PTCD2: variants seen among roughly 807,000 people sequenced by gnomAD.
PTCD2 encodes the protein pentatricopeptide repeat domain 2.
A neutral mutation model predicts 42.6 loss-of-function variants in PTCD2; 31 were observed. The observed-to-expected ratio is 0.73, with a 90% CI of 0.55 to 0.98. The LOEUF is 0.98. Among genes scored for constraint, PTCD2 ranks in the 50% least tolerant of loss-of-function variants. PTCD2 has a pLI of 0.00. For missense variants in PTCD2, 476 were observed against 454.8 expected (o/e 1.05, Z -0.42); for synonymous variants, 183 against 170.9 (o/e 1.07, Z -0.55).
chr5:72,352,687 C>A lies in PTCD2; in HGVS notation c.875C>A (p.Thr292Asn). 1 of 1,603,260 alleles carries A rather than the reference C, an allele frequency of 6.2e-7. No individual in the cohort carries two copies. The highest frequency in any genetic ancestry group is 1.1e-5 in the South Asian group (1 of 90,674). Residue 292 changes from threonine (T) to asparagine (N), a missense_variant, in exon 9 of 10, where the codon ACT becomes AAT. Physicochemically the swap from Thr to Asn is moderately conservative, Grantham distance 65. Coordinates refer to ENST00000380639, the MANE Select transcript of PTCD2 (RefSeq NM_024754.5). ...AATATGTTGGAAAACCTGATAAAGACTCTAAAAAATGCTGCAGAAGGAAAT... is the reference window on the plus strand; with the variant it reads ...AATATGTTGGAAAACCTGATAAAGAATCTAAAAAATGCTGCAGAAGGAAAT... Reference protein sequence around the residue: ...QSNMLENLIKTLKNAAEGNLS... With the variant: ...QSNMLENLIKNLKNAAEGNLS...
At chr5:72,346,718 G>A (rs530887705) in intron 8 of PTCD2, among the ~76,000 whole-genome samples, 3 of 152,218 alleles carry the variant, frequency 2.0e-5, no homozygotes, top group Non-Finnish European at 4.4e-5. Context: ...GATATGGACA[G>A]CTCTGGTATT....
intron 3 of PTCD2, among the ~76,000 whole-genome samples, chr5:72,327,861 A>G (rs1414157620): frequency 3.9e-5 from 6 of 152,236 alleles, no homozygotes; most frequent in Non-Finnish European, 8.8e-5. Context: ...AATCATATAA[A>G]GAATACTGGA....
rs775195996 is a variant in PTCD2 at position 72,358,309 on chromosome 5, T to C, written c.1049T>C (p.Leu350Ser). 1 of 1,614,074 alleles carries C rather than the reference T, an allele frequency of 6.2e-7. No homozygotes were observed. Among genetic ancestry groups the C allele is most frequent in the Non-Finnish European group, 8.5e-7 (1 of 1,179,974 alleles). The change falls in exon 10 of 10, where the codon TTG (leucine) becomes TCG (serine). Residue 350 changes from leucine (L) to serine (S), a missense_variant. Leu to Ser is a moderately radical substitution (Grantham distance 145). Transcript: ENST00000380639. ...ACTGGCCAGGTCACCACTGATTCTT[T>C]GGATGCTGTGCTCTGCCACACCCCC... ...HITGQVTTDS[L>S]DAVLCHTPRD...
At chr5:72,329,283 A>C (rs1751307241) in intron 3 of PTCD2, among the ~76,000 whole-genome samples, 1 of 152,216 alleles carries the variant, frequency 6.6e-6, no homozygotes, top group Non-Finnish European at 1.5e-5. Context: ...GGCTCCACCA[A>C]CATGTTCTCT....
intron 2 of PTCD2, among the ~76,000 whole-genome samples, chr5:72,324,514 C>G (rs1446154891): frequency 6.6e-6 from 1 of 152,098 alleles, no homozygotes; most frequent in East Asian, 1.9e-4. Context: ...CTAGAATATC[C>G]CCCTCCTCCA....
At chr5:72,356,082 G>A (rs1404518954) in intron 9 of PTCD2, among the ~76,000 whole-genome samples, 2 of 152,326 alleles carry the variant, frequency 1.3e-5, no homozygotes, top group Non-Finnish European at 2.9e-5. Context: ...TTAGCTCTGT[G>A]TAGGCTGTGA....
At chr5:72,353,512 T>C (rs893770503) in intron 9 of PTCD2, among the ~76,000 whole-genome samples, 1 of 152,240 alleles carries the variant, frequency 6.6e-6, no homozygotes, top group African/African-American at 2.4e-5. Context: ...CACTTTGTTT[T>C]TTCTGTAAAG....
At chr5:72,336,729 A>AT (rs1262082931) in intron 6 of PTCD2, among the ~76,000 whole-genome samples, 5 of 151,686 alleles carry the variant, frequency 3.3e-5, no homozygotes, top group Non-Finnish European at 7.4e-5. Flanking sequence ...AAAAAAAAAA[A>AT]AGTTATTTTA....
At chr5:72,331,430 G>GA in intron 4 of PTCD2, 55 bp downstream of exon 4, 1 of 1,207,396 alleles carries the variant, frequency 8.3e-7, no homozygotes, top group South Asian at 1.2e-5. Context: ...GGTGATATTG[G>GA]AAAAGGCATG....
At position 72,358,497 on chromosome 5, in the gene PTCD2, C is replaced by A; in HGVS notation, c.*70C>A. The A allele has an allele frequency of 8.9e-7, 1 of 1,123,612 alleles. No homozygotes were observed. Among genetic ancestry groups the A allele is most frequent in the Non-Finnish European group, 1.3e-6 (1 of 759,488 alleles). The allele number at this position is 1,123,612 out of a possible 1,614,324, so 69.6% of individuals were successfully genotyped here. A position where few individuals can be genotyped will look rare whatever the true frequency, so the allele number is the denominator to read the frequency against. On this transcript the variant is annotated 3_prime_UTR_variant, in exon 10 of 10. Coordinates refer to ENST00000380639, the MANE Select transcript of PTCD2 (RefSeq NM_024754.5). ...TGAGTTATTACCTTTCCTAAGAAGCCAGGTATCGCACTTCAGCAGACAGTG... is the reference window on the plus strand; with the variant it reads ...TGAGTTATTACCTTTCCTAAGAAGCAAGGTATCGCACTTCAGCAGACAGTG...
At chr5:72,349,097 C>G (rs147526776) in intron 8 of PTCD2, among the ~76,000 whole-genome samples, 2 of 152,286 alleles carry the variant, frequency 1.3e-5, no homozygotes, top group Non-Finnish European at 2.9e-5. Context: ...ATGTAGAAAA[C>G]GAGTCTGGTC....
intron 3 of PTCD2, among the ~76,000 whole-genome samples, chr5:72,327,792 A>G (rs1031029461): frequency 6.6e-6 from 1 of 152,170 alleles, no homozygotes; most frequent in Non-Finnish European, 1.5e-5. Context: ...TTTTTAAAAG[A>G]TCTGTTTCTA....
chr5:72,322,587 T>C (rs547890806), intron 2 of PTCD2, among the ~76,000 whole-genome samples: 1 of 152,302 alleles, frequency 6.6e-6, no homozygotes, highest in Admixed American at 6.5e-5. Flanking sequence ...GGGTGGTTGA[T>C]AGAAGTGCAG....
intron 7 of PTCD2, 101 bp from the exon 8 acceptor site, chr5:72,342,861 T>C (rs925015057): frequency 7.4e-6 from 4 of 537,558 alleles, no homozygotes; most frequent in Non-Finnish European, 1.3e-5. Flanking sequence ...TTCAAAACCC[T>C]GAGGTCACCT....
At position 72,329,114 on chromosome 5, in the gene PTCD2, A is replaced by G. The variant is rs547690253; in HGVS notation, c.351-2144A>G. ...ATGTTTATAAGAGTAGTAAAATGAG[A>G]TAAATATCCTGAACACTCTTTCTAC... On this transcript the variant is annotated intron_variant, in intron 3 of 9. Coordinates refer to ENST00000380639, the MANE Select transcript of PTCD2 (RefSeq NM_024754.5). Among the ~76,000 whole-genome samples, 4 of 152,170 alleles carry G rather than the reference A, an allele frequency of 2.6e-5. No individual in the cohort carries two copies. In the East Asian group the frequency reaches 7.7e-4, roughly 29 times the overall value.
intron 8 of PTCD2, among the ~76,000 whole-genome samples, chr5:72,346,215 C>T (rs1240732999): frequency 1.3e-5 from 2 of 152,052 alleles, no homozygotes; most frequent in Non-Finnish European, 1.5e-5. Context: ...ATGGAAGAAA[C>T]AAAATACTAG....
chr5:72,353,004 C>A (rs1300254609), intron 9 of PTCD2, among the ~76,000 whole-genome samples: 1 of 152,088 alleles, frequency 6.6e-6, no homozygotes, highest in East Asian at 1.9e-4. Flanking sequence ...TATTCATGGG[C>A]CCTGGCTCTC....
intron 4 of PTCD2, among the ~76,000 whole-genome samples, chr5:72,331,929 A>G (rs1159635772): frequency 6.6e-6 from 1 of 152,250 alleles, no homozygotes; most frequent in Non-Finnish European, 1.5e-5. Flanking sequence ...GTTTCTCACA[A>G]TAGCCCTGAT....
At chr5:72,355,751 G>A (rs567417645) in intron 9 of PTCD2, among the ~76,000 whole-genome samples, 26 of 152,304 alleles carry the variant, frequency 1.7e-4, no homozygotes, top group Admixed American at 3.3e-4. Flanking sequence ...GAAATTGTAC[G>A]TTATTGACAG....
Sources: gnomAD v4.1 joint callset for allele counts (sites outside exome capture counted in the v4.1 genomes callset) on GRCh38, gnomAD v4.1.1 for gene constraint, MANE v1.5 for transcripts, NCBI Gene and HGNC (gene_info 2026-07-23, HGNC 2026-07-21) for gene names.